The following CNTN4 variants were observed in gnomAD, a reference collection of about 807,000 sequenced individuals.
CNTN4 encodes contactin 4, also known as contactin-4.
In CNTN4, 77 loss-of-function variants were observed where a neutral mutation model predicts 122.5. The observed-to-expected ratio is 0.63, with a 90% CI of 0.52 to 0.76. The LOEUF is 0.76. Among genes scored for constraint, CNTN4 ranks in the 30% least tolerant of loss-of-function variants. CNTN4 has a pLI of 0.00. For synonymous variants in CNTN4, 512 were observed against 447.0 expected (o/e 1.15, Z -1.83); for missense variants, 1,256 against 1,259.1 (o/e 1.00, Z 0.04).
chr3:3,052,810 T>C (rs1574947026), intron 23 of CNTN4, among the ~76,000 whole-genome samples: 1 of 152,050 alleles, frequency 6.6e-6, no homozygotes, highest in South Asian at 2.1e-4. Context: ...TAAAGTGGGG[T>C]TCCAGAGGAA....
chr3:2,478,601 A>G (rs1315922542), intron 3 of CNTN4, among the ~76,000 whole-genome samples: 1 of 152,084 alleles, frequency 6.6e-6, no homozygotes, highest in East Asian at 1.9e-4. Flanking sequence ...TCCCTCTGAC[A>G]GGCTCCAGTT....
chr3:2,505,428 A>G (rs1467280450), intron 3 of CNTN4, among the ~76,000 whole-genome samples: 1 of 152,238 alleles, frequency 6.6e-6, no homozygotes, highest in Non-Finnish European at 1.5e-5. Flanking sequence ...ATCAAGTTCA[A>G]ATGGAATGTT....
At chr3:2,632,431 G>A (rs1054384711) in intron 4 of CNTN4, among the ~76,000 whole-genome samples, 3 of 152,050 alleles carry the variant, frequency 2.0e-5, no homozygotes, top group South Asian at 2.1e-4. Context: ...ATCCTCAGGG[G>A]TCATGTTGTA....
chr3:2,877,409 A>G lies in CNTN4; in HGVS notation c.653-5736A>G, dbSNP rs188002270. ...TGTTGTATCTCTCTTACTCCAAAGAATATAAAACGTTGGCAATGAATTATA... is the reference window on the plus strand; with the variant it reads ...TGTTGTATCTCTCTTACTCCAAAGAGTATAAAACGTTGGCAATGAATTATA... On this transcript the variant is annotated intron_variant, in intron 8 of 24. Transcript: ENST00000418658. Among the ~76,000 whole-genome samples the G allele has an allele frequency of 1.0e-3, 154 of 152,376 alleles. 1 individual carries two copies. Among genetic ancestry groups the G allele is most frequent in the Admixed American group, 3.0e-3 (46 of 15,302 alleles).
chr3:2,953,599 C>G (rs904821967), intron 13 of CNTN4, among the ~76,000 whole-genome samples: 1 of 152,038 alleles, frequency 6.6e-6, no homozygotes, highest in African/African-American at 2.4e-5. Context: ...TCCAACTTAC[C>G]TAAACACTGG....
chr3:2,990,494 G>C (rs1024894444), intron 14 of CNTN4, among the ~76,000 whole-genome samples: 1 of 152,128 alleles, frequency 6.6e-6, no homozygotes, highest in African/African-American at 2.4e-5. Context: ...AACAAGGTAT[G>C]TTCTGTATTT....
At chr3:2,480,769 A>C (rs1027649774) in intron 3 of CNTN4, among the ~76,000 whole-genome samples, 2 of 152,212 alleles carry the variant, frequency 1.3e-5, no homozygotes, top group Non-Finnish European at 2.9e-5. Flanking sequence ...TAAAGTTTAT[A>C]TGATCCAAAA....
chr3:3,007,058 A>G (rs1696727510), intron 14 of CNTN4, among the ~76,000 whole-genome samples: 1 of 152,258 alleles, frequency 6.6e-6, no homozygotes, highest in African/African-American at 2.4e-5. Flanking sequence ...TTTTTGTAGC[A>G]GCACTGAAGT....
chr3:2,604,541 G>C (rs1559294569), intron 4 of CNTN4, among the ~76,000 whole-genome samples: 3 of 152,212 alleles, frequency 2.0e-5, no homozygotes, highest in Middle Eastern at 3.4e-3. Context: ...GAATAAAGTA[G>C]GGCAGATTTG....
chr3:2,776,598 C>T (rs1405635184), intron 6 of CNTN4, among the ~76,000 whole-genome samples: 2 of 152,114 alleles, frequency 1.3e-5, no homozygotes, highest in Admixed American at 1.3e-4. Context: ...ATGCCCTCTA[C>T]TCTTGGTAGA....
chr3:2,368,023 A>T (rs1182029114), intron 3 of CNTN4, among the ~76,000 whole-genome samples: 1 of 145,156 alleles, frequency 6.9e-6, no homozygotes, highest in Non-Finnish European at 1.5e-5. Context: ...TACAGCTAGA[A>T]AACTTCTTTT....
intron 7 of CNTN4, among the ~76,000 whole-genome samples, chr3:2,859,333 T>C (rs917074750): frequency 2.6e-5 from 4 of 152,240 alleles, no homozygotes; most frequent in African/African-American, 9.6e-5. Context: ...TGATTCCATA[T>C]CTTGGCTATT....
chr3:3,019,607 A>C (rs2125581434), intron 14 of CNTN4, among the ~76,000 whole-genome samples: 1 of 151,910 alleles, frequency 6.6e-6, no homozygotes, highest in South Asian at 2.1e-4. Context: ...AATACTCATA[A>C]GTTACAAGGG....
intron 3 of CNTN4, among the ~76,000 whole-genome samples, chr3:2,524,191 C>CAA (rs1180341304): frequency 6.6e-6 from 1 of 152,032 alleles, no homozygotes; most frequent in East Asian, 1.9e-4. Flanking sequence ...TAATCTCTTT[C>CAA]TCTGTGCCTC....
In CNTN4 at chr3:2,761,438, CTGTGTG is replaced by C. The variant is rs113454553; in HGVS notation, c.358+15771_358+15776del. Among the ~76,000 whole-genome samples, 74 of 92,768 alleles carry C rather than the reference CTGTGTG, an allele frequency of 8.0e-4. No individual in the cohort carries two copies. The Middle Eastern group carries it at 0.015, about 19-fold the overall frequency. 60.9% of individuals were successfully genotyped at this position (92,768 alleles called of 152,430 possible). A position where few individuals can be genotyped will look rare whatever the true frequency, so the allele number is the denominator to read the frequency against. On this transcript the variant is annotated intron_variant, in intron 6 of 24. Coordinates refer to ENST00000418658, the MANE Select transcript of CNTN4 (RefSeq NM_175607.3). ...ATTAAATATGCCTGGTAAGTGTAACCTGTGTGTGTGTGTGTGTGTGTGTGTGTGTGT... is the reference window on the plus strand; with the variant it reads ...ATTAAATATGCCTGGTAAGTGTAACCTGTGTGTGTGTGTGTGTGTGTGTGT...
chr3:2,809,583 T>C (rs2092555970), intron 6 of CNTN4, among the ~76,000 whole-genome samples: 1 of 152,174 alleles, frequency 6.6e-6, no homozygotes, highest in Admixed American at 6.5e-5. Flanking sequence ...TCTCTTTGTG[T>C]TGTGTAAGTA....
intron 13 of CNTN4, among the ~76,000 whole-genome samples, chr3:2,950,826 T>C (rs1012636561): frequency 6.6e-6 from 1 of 152,254 alleles, no homozygotes; most frequent in Non-Finnish European, 1.5e-5. Context: ...TTATAACATC[T>C]GAAGTTCAAA....
intron 6 of CNTN4, among the ~76,000 whole-genome samples, chr3:2,816,073 G>A (rs115975980): frequency 3.9e-5 from 6 of 152,174 alleles, no homozygotes; most frequent in Admixed American, 6.5e-5. Context: ...GATACAATGA[G>A]GCCGGATACA....
chr3:2,427,247 G>T (rs1318332468), intron 3 of CNTN4, among the ~76,000 whole-genome samples: 2 of 152,114 alleles, frequency 1.3e-5, no homozygotes, highest in Non-Finnish European at 2.9e-5. Flanking sequence ...CTTTAAATGG[G>T]TGCCAGAGAT....
Sources: allele counts gnomAD v4.1 joint callset (sites outside exome capture counted in the v4.1 genomes callset), GRCh38; gene constraint gnomAD v4.1.1; transcripts MANE v1.5; gene names NCBI Gene and HGNC (gene_info 2026-07-23, HGNC 2026-07-21).